The following GRIN2A variants were observed in gnomAD, a reference collection of about 807,000 sequenced individuals.
GRIN2A encodes glutamate ionotropic receptor NMDA type subunit 2A.
A neutral mutation model predicts 113.4 loss-of-function variants in GRIN2A; 22 were observed. The observed-to-expected ratio is 0.19, with a 90% CI of 0.14 to 0.28. The LOEUF (loss-of-function observed/expected upper bound fraction) is 0.28, where lower values mean the gene tolerates loss of function less well. GRIN2A is among the 10% of genes least tolerant of loss of function. GRIN2A has a pLI of 1.00. For missense variants in GRIN2A, 1,502 were observed against 1,887.0 expected (o/e 0.80, Z 3.78); for synonymous variants, 827 against 738.4 (o/e 1.12, Z -1.94).
At chr16:10,045,666 C>A (rs143305018) in intron 2 of GRIN2A, among the ~76,000 whole-genome samples, 1 of 152,202 alleles carries the variant, frequency 6.6e-6, no homozygotes, top group Non-Finnish European at 1.5e-5. Flanking sequence ...CATCCAGAAA[C>A]GTTTTGCAGA....
At chr16:10,031,205 CCTT>C (rs1217645711) in intron 2 of GRIN2A, 1 of 152,188 alleles carries the variant, frequency 6.6e-6, no homozygotes, top group African/African-American at 2.4e-5. Flanking sequence ...CTCTTTTAAT[CCTT>C]CTCTGCAGCC....
chr16:9,879,387 C>T (rs534601214), intron 4 of GRIN2A, among the ~76,000 whole-genome samples: 1 of 152,214 alleles, frequency 6.6e-6, no homozygotes, highest in Admixed American at 6.5e-5. Flanking sequence ...CTGAAAATAC[C>T]TAATTAGAGA....
chr16:9,844,197 G>A (rs1281975460), intron 5 of GRIN2A, among the ~76,000 whole-genome samples: 1 of 152,054 alleles, frequency 6.6e-6, no homozygotes, highest in Non-Finnish European at 1.5e-5. Flanking sequence ...GCATTCTTTG[G>A]TCTCCCTGGA....
chr16:9,992,016 A>C (rs867801887), intron 2 of GRIN2A, among the ~76,000 whole-genome samples: 3 of 152,148 alleles, frequency 2.0e-5, no homozygotes, highest in Non-Finnish European at 4.4e-5. Flanking sequence ...ATGTATACCT[A>C]TGTAACAAAA....
At chr16:10,110,552 G>A (rs1394478030) in intron 2 of GRIN2A, among the ~76,000 whole-genome samples, 2 of 152,236 alleles carry the variant, frequency 1.3e-5, no homozygotes, top group African/African-American at 4.8e-5. Context: ...GCGCCAGCCA[G>A]GACTGGGGGG....
chr16:9,990,856 C>A (rs563699629), intron 2 of GRIN2A, among the ~76,000 whole-genome samples: 56 of 152,238 alleles, frequency 3.7e-4, no homozygotes, highest in African/African-American at 1.2e-3. Flanking sequence ...CACCTGAAGT[C>A]AGGAGTTTGA....
chr16:9,774,064 A>T (rs1901453163), intron 11 of GRIN2A, among the ~76,000 whole-genome samples: 1 of 151,530 alleles, frequency 6.6e-6, no homozygotes, highest in Non-Finnish European at 1.5e-5. Context: ...GTGTGTCTCC[A>T]ACTTGCTTCC....
At chr16:9,888,759 T>C (rs951640649) in intron 4 of GRIN2A, among the ~76,000 whole-genome samples, 3 of 152,136 alleles carry the variant, frequency 2.0e-5, no homozygotes, top group African/African-American at 7.2e-5. Flanking sequence ...ATATATATTA[T>C]AGGTTTTTCA....
intron 2 of GRIN2A, among the ~76,000 whole-genome samples, chr16:10,154,520 C>T (rs1417612601): frequency 1.3e-5 from 2 of 152,148 alleles, no homozygotes; most frequent in Non-Finnish European, 2.9e-5. Context: ...ACATTGTTCC[C>T]CCAGCATCCT....
rs979152898 is a variant in GRIN2A, at chr16:9,880,805, G to A, written c.1122+10181C>T. ...TATTCTCGTGAGACCTTGTTCAAAC[G>A]AGAAATCCTCCATACAAACGCCCTT... On this transcript the variant is annotated intron_variant, in intron 4 of 12. Transcript: ENST00000330684. 2.0e-5 allele frequency among the ~76,000 whole-genome samples: 3 copies of A among 152,276 alleles called. 1 individual carries two copies. Among genetic ancestry groups the A allele is most frequent in the South Asian group, 4.1e-4 (2 of 4,824 alleles).
chr16:9,788,590 A>C (rs1902388416), intron 11 of GRIN2A, among the ~76,000 whole-genome samples: 1 of 144,330 alleles, frequency 6.9e-6, no homozygotes, highest in African/African-American at 2.6e-5. Context: ...TATTATTACC[A>C]CCTCCTTCTC....
chr16:9,756,500 CTTCTA>C lies in GRIN2A; in HGVS notation c.*6644_*6648del, dbSNP rs2141111364. The C allele has an allele frequency of 4.5e-6, 1 of 223,352 alleles. No individual in the cohort carries two copies. The highest frequency in any genetic ancestry group is 1.8e-4 in the South Asian group (1 of 5,442). 13.8% of individuals were successfully genotyped at this position (223,352 alleles called of 1,614,324 possible). ...CAAAAGAGCACACCTCTCTTTCTGA[CTTCTA>C]TTCTGACCTCCCTGGAGGAGACCAG... On this transcript the variant is annotated 3_prime_UTR_variant, in exon 13 of 13. Coordinates refer to ENST00000330684, the MANE Select transcript of GRIN2A (RefSeq NM_001134407.3).
chr16:9,974,496 C>G (rs1351405450), intron 2 of GRIN2A, among the ~76,000 whole-genome samples: 5 of 152,172 alleles, frequency 3.3e-5, no homozygotes, highest in African/African-American at 7.2e-5. Context: ...CACGTGGACC[C>G]CCTTAGAGTT....
chr16:9,803,129 G>A (rs566837086), intron 10 of GRIN2A, among the ~76,000 whole-genome samples: 3 of 152,298 alleles, frequency 2.0e-5, no homozygotes, highest in Admixed American at 1.3e-4. Flanking sequence ...AACTTGCCGG[G>A]CACAGTGGCT....
intron 2 of GRIN2A, among the ~76,000 whole-genome samples, chr16:10,062,167 G>A (rs1362398057): frequency 1.3e-5 from 2 of 152,248 alleles, no homozygotes; most frequent in Non-Finnish European, 2.9e-5. Flanking sequence ...TATGGATTGC[G>A]AGTATCCACT....
chr16:9,850,721 T>C (rs1177899944), intron 4 of GRIN2A, among the ~76,000 whole-genome samples: 1 of 152,124 alleles, frequency 6.6e-6, no homozygotes, highest in South Asian at 2.1e-4. Flanking sequence ...TTATTAATCC[T>C]GCACAGAGGG....
intron 2 of GRIN2A, 120 bp downstream of exon 2, chr16:10,179,878 T>TCCCCCCCCCC: frequency 1.1e-5 from 5 of 443,684 alleles, no homozygotes; most frequent in Non-Finnish European, 9.4e-6. Flanking sequence ...GCCACGACCC[T>TCCCCCCCCCC]CCCACCCCCA....
In GRIN2A at chr16:9,834,122, T is replaced by A. The variant is rs2042546441; in HGVS notation, c.1760A>T (p.Asn587Ile). 1 of 1,613,468 alleles carries A rather than the reference T, an allele frequency of 6.2e-7. No individual in the cohort carries two copies. The highest frequency in any genetic ancestry group is 8.5e-7 in the Non-Finnish European group (1 of 1,179,376). Residue 587 changes from asparagine to isoleucine, a missense_variant, in exon 8 of 13, where the codon AAC (asparagine) becomes ATC (isoleucine). Coordinates refer to ENST00000330684, the MANE Select transcript of GRIN2A (RefSeq NM_001134407.3). Reference sequence around the variant, plus strand: ...ACCCTTACCTTTCCCTTTGGCTAAGTTTCTGTTGTATCCAACAGGGCTGAA... The same window carrying A: ...ACCCTTACCTTTCCCTTTGGCTAAGATTCTGTTGTATCCAACAGGGCTGAA... ...EYFSPVGYNR[N>I]LAKGKAPHGP...
chr16:10,012,573 G>C (rs1596415076), intron 2 of GRIN2A, among the ~76,000 whole-genome samples: 1 of 152,206 alleles, frequency 6.6e-6, no homozygotes, highest in Non-Finnish European at 1.5e-5. Flanking sequence ...AGGTGTCCAT[G>C]TCCTAATCCC....
Sources: gnomAD v4.1 joint callset for allele counts (sites outside exome capture counted in the v4.1 genomes callset) on GRCh38, gnomAD v4.1.1 for gene constraint, MANE v1.5 for transcripts, NCBI Gene and HGNC (gene_info 2026-07-23, HGNC 2026-07-21) for gene names.